Variants in NKAIN3 observed in about 807,000 individuals in gnomAD.
NKAIN3 encodes the protein sodium/potassium transporting ATPase interacting 3, also known as sodium/potassium-transporting ATPase subunit beta-1-interacting protein 3.
A neutral mutation model predicts 30.2 loss-of-function variants in NKAIN3; 25 were observed. The ratio of observed to expected loss-of-function variants is 0.83; its 90% CI spans 0.60 to 1.16. The LOEUF (loss-of-function observed/expected upper bound fraction) is 1.16. Ranked by LOEUF, NKAIN3 falls within the 50% of genes most tolerant of loss-of-function variation. The pLI, the probability that NKAIN3 is intolerant of heterozygous loss-of-function variation, is 0.00. For missense variants in NKAIN3, 225 were observed against 254.1 expected (o/e 0.89, Z 0.78); for synonymous variants, 91 against 89.6 (o/e 1.02, Z -0.09).
At chr8:62,964,497 T>G (rs1477724815) in intron 6 of NKAIN3, among the ~76,000 whole-genome samples, 15 of 151,166 alleles carry the variant, frequency 9.9e-5, no homozygotes, top group Non-Finnish European at 2.2e-4. Context: ...GTCAGGGTTC[T>G]CCAGAGAAAC....
chr8:62,788,822 T>C (rs1309162517), intron 4 of NKAIN3, among the ~76,000 whole-genome samples: 1 of 152,046 alleles, frequency 6.6e-6, no homozygotes, highest in Non-Finnish European at 1.5e-5. Context: ...TTTTGTCAGG[T>C]TGGTCAAAGA....
At position 62,248,973 on chromosome 8, in the gene NKAIN3, C is replaced by CCTGGG; in HGVS notation, c.-99_-95dup. ...GAGCGGCGGCCGCGGGGCCGAGGAG[C>CCTGGG]CTGGGCCGGGCCGGGCGGGGACTAC... On this transcript the variant is annotated 5_prime_UTR_variant, in exon 1 of 7. Transcript: ENST00000623646. 5 of 1,139,784 alleles carry CCTGGG rather than the reference C, an allele frequency of 4.4e-6. No homozygotes were observed. Among genetic ancestry groups the CCTGGG allele is most frequent in the African/African-American group, 3.2e-5 (2 of 62,570 alleles). The allele number at this position is 1,139,784 out of a possible 1,614,324, so 70.6% of individuals were successfully genotyped here. A position where few individuals can be genotyped will look rare whatever the true frequency, so the allele number is the denominator to read the frequency against.
chr8:62,808,921 C>T (rs538410081), intron 4 of NKAIN3, among the ~76,000 whole-genome samples: 28 of 152,202 alleles, frequency 1.8e-4, no homozygotes, highest in African/African-American at 6.0e-4. Context: ...GGCCTGGGAG[C>T]GCTACGGGAG....
Position 62,966,165 on chromosome 8 carries a change from C to T in NKAIN3, c.*758C>T. ...ATTATTCCATTCCTGACACTGCTGT[C>T]AGACCTAAACATACAGCTCATGGGC... On this transcript the variant is annotated 3_prime_UTR_variant, in exon 7 of 7. Coordinates refer to ENST00000623646, the MANE Select transcript of NKAIN3 (RefSeq NM_001304533.3). The T allele has an allele frequency of 1.0e-6, 1 of 985,210 alleles. No homozygotes were observed. Among genetic ancestry groups the T allele is most frequent in the Non-Finnish European group, 1.2e-6 (1 of 829,784 alleles). 61.0% of individuals were successfully genotyped at this position (985,210 alleles called of 1,614,324 possible).
intron 1 of NKAIN3, among the ~76,000 whole-genome samples, chr8:62,549,387 A>T (rs1809118679): frequency 6.6e-6 from 1 of 152,048 alleles, no homozygotes; most frequent in Non-Finnish European, 1.5e-5. Flanking sequence ...TGTTTAATTT[A>T]AAATTTTTTT....
At chr8:62,793,147 G>A (rs1257146280) in intron 4 of NKAIN3, among the ~76,000 whole-genome samples, 1 of 151,464 alleles carries the variant, frequency 6.6e-6, no homozygotes, top group Non-Finnish European at 1.5e-5. Flanking sequence ...CCGCTTGTGA[G>A]AAAAAGAAGC....
intron 1 of NKAIN3, among the ~76,000 whole-genome samples, chr8:62,511,409 G>A (rs1807809480): frequency 6.6e-6 from 1 of 152,112 alleles, no homozygotes; most frequent in Non-Finnish European, 1.5e-5. Flanking sequence ...ACTCTCAGAT[G>A]CCACCCAGAT....
intron 1 of NKAIN3, among the ~76,000 whole-genome samples, chr8:62,325,348 A>G (rs1325450612): frequency 1.3e-5 from 2 of 152,084 alleles, no homozygotes; most frequent in East Asian, 1.9e-4. Flanking sequence ...TCCATGGTGT[A>G]TATGTATCAC....
At chr8:62,991,509 T>C (rs1213718183) in intron 5 of NKAIN3, among the ~76,000 whole-genome samples, 5 of 152,252 alleles carry the variant, frequency 3.3e-5, no homozygotes, top group African/African-American at 1.2e-4. Context: ...GCAAAGTATG[T>C]GCTTGCTCAG....
At chr8:62,611,734 G>T (rs7000386) in intron 3 of NKAIN3, among the ~76,000 whole-genome samples, 3,598 of 152,210 alleles carry the variant, frequency 0.024, 102 homozygotes, top group African/African-American at 0.075. Flanking sequence ...CTTTTAAACA[G>T]TGGGGCAACA....
At chr8:62,871,522 A>G (rs1330063627) in intron 4 of NKAIN3, among the ~76,000 whole-genome samples, 1 of 152,176 alleles carries the variant, frequency 6.6e-6, no homozygotes, top group African/African-American at 2.4e-5. Flanking sequence ...GCAAATTTCA[A>G]ATGAACAATA....
intron 4 of NKAIN3, among the ~76,000 whole-genome samples, chr8:62,834,716 A>G (rs1261573111): frequency 6.6e-6 from 1 of 152,090 alleles, no homozygotes; most frequent in African/African-American, 2.4e-5. Context: ...TTCCATGCTC[A>G]TGGATTGGAA....
intron 4 of NKAIN3, among the ~76,000 whole-genome samples, chr8:62,793,453 C>T (rs1817761122): frequency 6.6e-6 from 1 of 152,108 alleles, no homozygotes; most frequent in Non-Finnish European, 1.5e-5. Flanking sequence ...ACTTACAAAC[C>T]TGTTTTGAAA....
chr8:62,929,174 G>A (rs1362032317), intron 5 of NKAIN3, among the ~76,000 whole-genome samples: 1 of 152,166 alleles, frequency 6.6e-6, no homozygotes, highest in Non-Finnish European at 1.5e-5. Context: ...GACTTCAGAA[G>A]CAGCTTCATA....
intron 3 of NKAIN3, among the ~76,000 whole-genome samples, chr8:62,662,004 A>G (rs1178299298): frequency 6.6e-6 from 1 of 152,166 alleles, no homozygotes; most frequent in African/African-American, 2.4e-5. Flanking sequence ...TTCACCCACC[A>G]AGGTCACTAT....
intron 1 of NKAIN3, among the ~76,000 whole-genome samples, chr8:62,328,725 G>T (rs1160295791): frequency 6.6e-6 from 1 of 152,044 alleles, no homozygotes; most frequent in African/African-American, 2.4e-5. Flanking sequence ...TTGCATAAAT[G>T]TGTTTACTTT....
chr8:62,443,962 G>A (rs963740108), intron 1 of NKAIN3, among the ~76,000 whole-genome samples: 11 of 151,860 alleles, frequency 7.2e-5, no homozygotes, highest in South Asian at 2.1e-4. Flanking sequence ...TACTGTTAGC[G>A]TTACTTTATA....
chr8:62,346,554 T>C (rs1816013324), intron 1 of NKAIN3, among the ~76,000 whole-genome samples: 2 of 152,116 alleles, frequency 1.3e-5, no homozygotes, highest in Admixed American at 1.3e-4. Context: ...TGAGATCATA[T>C]ACATGCAGAA....
intron 1 of NKAIN3, among the ~76,000 whole-genome samples, chr8:62,357,633 A>G (rs1221145563): frequency 6.6e-6 from 1 of 152,086 alleles, no homozygotes; most frequent in Non-Finnish European, 1.5e-5. Flanking sequence ...ACACATCAAA[A>G]CGCAAGCCCA....
Sources: allele counts gnomAD v4.1 joint callset (sites outside exome capture counted in the v4.1 genomes callset), GRCh38; gene constraint gnomAD v4.1.1; transcripts MANE v1.5; gene names NCBI Gene and HGNC (gene_info 2026-07-23, HGNC 2026-07-21).